IGF2BP3: variants seen among roughly 807,000 people sequenced by gnomAD.
The protein encoded by IGF2BP3 is insulin-like growth factor 2 mRNA-binding protein 3.
A neutral mutation model predicts 73.8 loss-of-function variants in IGF2BP3; 9 were observed. The ratio of observed to expected loss-of-function variants is 0.12; its 90% CI spans 0.07 to 0.21. The LOEUF (loss-of-function observed/expected upper bound fraction) is 0.21. IGF2BP3 is among the 10% of genes least tolerant of loss of function. The pLI is 1.00. For missense variants in IGF2BP3, 542 were observed against 714.0 expected (o/e 0.76, Z 2.75); for synonymous variants, 258 against 256.7 (o/e 1.01, Z -0.05).
chr7:23,320,968 AAGAAAAAAC>A (rs1562669101), intron 10 of IGF2BP3, among the ~76,000 whole-genome samples: 2 of 144,784 alleles, frequency 1.4e-5, no homozygotes, highest in African/African-American at 5.6e-5. Context: ...AAAAAAAAAA[AAGAAAAAAC>A]AAAAAAGAAA....
At chr7:23,326,984 G>A (rs1784315714) in intron 10 of IGF2BP3, among the ~76,000 whole-genome samples, 1 of 150,672 alleles carries the variant, frequency 6.6e-6, no homozygotes, top group Admixed American at 6.6e-5. Flanking sequence ...GAGTTAGTGG[G>A]TGCAGGGCAC....
chr7:23,366,748 T>C (rs548981143), intron 3 of IGF2BP3, among the ~76,000 whole-genome samples: 1 of 152,186 alleles, frequency 6.6e-6, no homozygotes, highest in South Asian at 2.1e-4. Flanking sequence ...GGCTTGGAAG[T>C]AATGACAACA....
intron 2 of IGF2BP3, among the ~76,000 whole-genome samples, chr7:23,427,907 T>C (rs1181772499): frequency 2.6e-5 from 4 of 152,122 alleles, no homozygotes; most frequent in Non-Finnish European, 5.9e-5. Flanking sequence ...CTCAGGAGGC[T>C]GAGGCAGAGA....
At chr7:23,346,837 C>T (rs1377129692) in intron 7 of IGF2BP3, among the ~76,000 whole-genome samples, 1 of 152,024 alleles carries the variant, frequency 6.6e-6, no homozygotes, top group Admixed American at 6.6e-5. Flanking sequence ...ATGATCCACC[C>T]GCCTCGGCCT....
intron 2 of IGF2BP3, among the ~76,000 whole-genome samples, chr7:23,438,739 C>A (rs183328838): frequency 6.6e-6 from 1 of 152,050 alleles, no homozygotes; most frequent in African/African-American, 2.4e-5. Flanking sequence ...GTTATAATAA[C>A]CCTAGTTGTG....
chr7:23,349,803 T>G lies in IGF2BP3; in HGVS notation c.683+1502A>C, dbSNP rs1328832698. Reference sequence around the variant, plus strand: ...TTCAATTTAAGTCACAGCTCTTTCATCTGACAGGGAAATGAGTAGCTCGAA... The same window carrying G: ...TTCAATTTAAGTCACAGCTCTTTCAGCTGACAGGGAAATGAGTAGCTCGAA... On this transcript the variant is annotated intron_variant, in intron 6 of 14. Transcript: ENST00000258729. 2.0e-5 allele frequency among the ~76,000 whole-genome samples: 3 copies of G among 152,154 alleles called. No homozygotes were observed. The South Asian group carries it at 6.2e-4, about 32-fold the overall frequency.
chr7:23,427,092 T>C lies in IGF2BP3; in HGVS notation c.237-8268A>G, dbSNP rs188192265. 2.0e-5 allele frequency among the ~76,000 whole-genome samples: 3 copies of C among 152,334 alleles called. No individual in the cohort carries two copies. In the East Asian group the frequency reaches 5.8e-4, roughly 29 times the overall value. On this transcript the variant is annotated intron_variant, in intron 2 of 14. Coordinates refer to ENST00000258729, the MANE Select transcript of IGF2BP3 (RefSeq NM_006547.3). ...ACACACATTTCAGTTGTCTCGCTTC[T>C]TTCCACCCAAAAGCACACACCTTAC...
In IGF2BP3 at chr7:23,328,936, G is replaced by A. The variant is rs146923715; in HGVS notation, c.1204-9682C>T. On this transcript the variant is annotated intron_variant, in intron 10 of 14. Coordinates refer to ENST00000258729, the MANE Select transcript of IGF2BP3 (RefSeq NM_006547.3). Reference sequence around the variant, plus strand: ...TAAAAATTTAAAACAAGAGCCGGGCGCGGTGGCTCATGCCTGTAATCCCAG... The same window carrying A: ...TAAAAATTTAAAACAAGAGCCGGGCACGGTGGCTCATGCCTGTAATCCCAG... 2.5e-3 allele frequency among the ~76,000 whole-genome samples: 387 copies of A among 152,240 alleles called. 1 individual carries two copies. Among genetic ancestry groups the A allele is most frequent in the African/African-American group, 8.8e-3 (364 of 41,546 alleles).
intron 2 of IGF2BP3, among the ~76,000 whole-genome samples, chr7:23,422,289 G>A (rs1787371453): frequency 6.6e-6 from 1 of 152,154 alleles, no homozygotes; most frequent in Non-Finnish European, 1.5e-5. Flanking sequence ...ACTTCACAAA[G>A]AGGATACTAT....
Position 23,353,098 on chromosome 7 carries a change from C to T in IGF2BP3, c.402-1512G>A, listed in dbSNP as rs537765942. On this transcript the variant is annotated intron_variant, in intron 5 of 14. Coordinates refer to ENST00000258729, the MANE Select transcript of IGF2BP3 (RefSeq NM_006547.3). ...AAATGAAAAACAAAAAGAAAGAAGTCCCCACACTTCCCAGTGTCACTCAGG... is the reference window on the plus strand; with the variant it reads ...AAATGAAAAACAAAAAGAAAGAAGTTCCCACACTTCCCAGTGTCACTCAGG... Among the ~76,000 whole-genome samples, 14 of 152,280 alleles carry T rather than the reference C, an allele frequency of 9.2e-5. No individual in the cohort carries two copies. The South Asian group carries it at 2.9e-3, about 32-fold the overall frequency.
rs1329960225 is a variant in IGF2BP3 at position 23,322,756 on chromosome 7, G to A, written c.1204-3502C>T. On this transcript the variant is annotated intron_variant, in intron 10 of 14. Coordinates refer to ENST00000258729, the MANE Select transcript of IGF2BP3 (RefSeq NM_006547.3). Reference sequence around the variant, plus strand: ...AACTCTACAAGCCAGAAGAGAGTGGGGGCCGATATTCAACATTCTTAAAGA... The same window carrying A: ...AACTCTACAAGCCAGAAGAGAGTGGAGGCCGATATTCAACATTCTTAAAGA... Among the ~76,000 whole-genome samples the A allele has an allele frequency of 5.3e-5, 8 of 152,256 alleles. No homozygotes were observed. In the East Asian group the frequency reaches 1.3e-3, roughly 26 times the overall value.
At chr7:23,386,434 A>G (rs907540468) in intron 3 of IGF2BP3, among the ~76,000 whole-genome samples, 11 of 152,218 alleles carry the variant, frequency 7.2e-5, no homozygotes, top group Admixed American at 5.2e-4. Flanking sequence ...CCAACCAACA[A>G]AAAACCACCA....
At chr7:23,359,250 G>C (rs951178091) in intron 5 of IGF2BP3, among the ~76,000 whole-genome samples, 1 of 152,126 alleles carries the variant, frequency 6.6e-6, no homozygotes, top group African/African-American at 2.4e-5. Context: ...TGTGCTTGCA[G>C]TCTTAATGCT....
chr7:23,341,720 C>A (rs566050645), intron 10 of IGF2BP3, among the ~76,000 whole-genome samples: 5 of 151,212 alleles, frequency 3.3e-5, no homozygotes, highest in Non-Finnish European at 7.4e-5. Context: ...TGTAACAAAC[C>A]TGCACATTCT....
rs1184421075 is a variant in IGF2BP3 at position 23,319,180 on chromosome 7, C to T, written c.1278G>A (p.Gln426=). 1 of 1,613,852 alleles carries T rather than the reference C, an allele frequency of 6.2e-7. No homozygotes were observed. The highest frequency in any genetic ancestry group is 1.3e-5 in the African/African-American group (1 of 74,922). Residue 426 remains glutamine (Q), a synonymous_variant, in exon 11 of 15, where the codon CAG becomes CAA. Coordinates refer to ENST00000258729, the MANE Select transcript of IGF2BP3 (RefSeq NM_006547.3). ...CAAAGCGAGAAAGCTGCTTGATGTG[C>T]TGGCCCTGCTTGCCGATGATGGCAC... ...SVGAIIGKQG[Q]HIKQLSRFAG... is the part of the protein sequence containing the mutation.
intron 10 of IGF2BP3, among the ~76,000 whole-genome samples, chr7:23,321,623 C>T (rs1400665164): frequency 6.6e-6 from 1 of 152,252 alleles, no homozygotes; most frequent in African/African-American, 2.4e-5. Flanking sequence ...GGGGGCAGGG[C>T]ACAGACAGAC....
intron 3 of IGF2BP3, among the ~76,000 whole-genome samples, chr7:23,382,598 A>G (rs1046922729): frequency 3.9e-5 from 6 of 152,192 alleles, no homozygotes; most frequent in Non-Finnish European, 5.9e-5. Flanking sequence ...CTCATCTGCC[A>G]TCTCAATAAC....
intron 3 of IGF2BP3, among the ~76,000 whole-genome samples, chr7:23,369,186 C>T (rs1785474310): frequency 1.3e-5 from 2 of 152,048 alleles, no homozygotes; most frequent in Admixed American, 6.6e-5. Flanking sequence ...GTTCTGTAAC[C>T]TGAGCCTGTC....
At chr7:23,389,907 T>G (rs1786217204) in intron 3 of IGF2BP3, among the ~76,000 whole-genome samples, 1 of 150,332 alleles carries the variant, frequency 6.7e-6, no homozygotes, top group Non-Finnish European at 1.5e-5. Context: ...GACTGGGAGG[T>G]CAAGGCTGCA....
Sources: gnomAD v4.1 joint callset for allele counts (sites outside exome capture counted in the v4.1 genomes callset) on GRCh38, gnomAD v4.1.1 for gene constraint, MANE v1.5 for transcripts, NCBI Gene and HGNC (gene_info 2026-07-23, HGNC 2026-07-21) for gene names.